GRIA1: variants seen among roughly 807,000 people sequenced by gnomAD.
GRIA1 encodes the protein glutamate receptor 1.
A neutral mutation model predicts 99.2 loss-of-function variants in GRIA1; 31 were observed. That is an observed-to-expected ratio of 0.31 (90% CI 0.23 to 0.42). GRIA1 has a LOEUF of 0.42. Ranked by LOEUF, GRIA1 falls within the 10% of genes least tolerant of loss-of-function variation. GRIA1 has a pLI of 1.00. For missense variants in GRIA1, 782 were observed against 1,157.5 expected (o/e 0.68, Z 4.71); for synonymous variants, 438 against 432.4 (o/e 1.01, Z -0.16).
At chr5:153,506,217 T>G (rs1037419958) in intron 2 of GRIA1, among the ~76,000 whole-genome samples, 5 of 152,076 alleles carry the variant, frequency 3.3e-5, no homozygotes, top group Admixed American at 6.5e-5. Context: ...GGGGGAGGTA[T>G]GCTAGGGCAT....
At chr5:153,494,457 C>T (rs1309203797) in intron 2 of GRIA1, 1 of 165,048 alleles carries the variant, frequency 6.1e-6, no homozygotes, top group Non-Finnish European at 1.3e-5. Flanking sequence ...AAGGCATTTC[C>T]TATCTACATG....
At chr5:153,491,048 C>A (rs991343822) in intron 1 of GRIA1, 78 bp downstream of exon 1, 55 of 1,325,534 alleles carry the variant, frequency 4.1e-5, no homozygotes, top group Non-Finnish European at 5.8e-5. Context: ...TTGTGTACCC[C>A]CTCCCCGGTA....
chr5:153,636,120 A>G (rs1753339418), intron 2 of GRIA1, among the ~76,000 whole-genome samples: 1 of 152,144 alleles, frequency 6.6e-6, no homozygotes, highest in African/African-American at 2.4e-5. Context: ...ACCCAGAGTC[A>G]CCATGAAAGA....
At position 153,677,181 on chromosome 5, in the gene GRIA1, C is replaced by A. The variant is rs764532419; in HGVS notation, c.1029+20C>A. ...CAGCAGGTAAGACCACCAATGTTTGCCCCATCTCATAGGAGCCTACTGGGG... is the reference window on the plus strand; with the variant it reads ...CAGCAGGTAAGACCACCAATGTTTGACCCATCTCATAGGAGCCTACTGGGG... On this transcript the variant is annotated intron_variant, in intron 7 of 15. Coordinates refer to ENST00000285900, the MANE Select transcript of GRIA1 (RefSeq NM_000827.4). 10 of 1,423,788 alleles carry A rather than the reference C, an allele frequency of 7.0e-6. No homozygotes were observed. In the South Asian group the frequency reaches 1.7e-4, roughly 24 times the overall value. The allele number at this position is 1,423,788 out of a possible 1,614,324, so 88.2% of individuals were successfully genotyped here. A position where few individuals can be genotyped will look rare whatever the true frequency, so the allele number is the denominator to read the frequency against.
intron 11 of GRIA1, among the ~76,000 whole-genome samples, chr5:153,709,866 G>A (rs1759185998): frequency 6.6e-6 from 1 of 152,188 alleles, no homozygotes; most frequent in Non-Finnish European, 1.5e-5. Flanking sequence ...AAGAATTTAG[G>A]TTTTCCAACC....
rs565396529 is a variant in GRIA1, at chr5:153,597,997, G to C, written c.221-48931G>C. ...ACTACATTCCAGCCTGGGTGACAAG[G>C]TGAAACTCAGTCTCAAAAAGAAGAA... On this transcript the variant is annotated intron_variant, in intron 2 of 15. Coordinates refer to ENST00000285900, the MANE Select transcript of GRIA1 (RefSeq NM_000827.4). 1.9e-3 allele frequency among the ~76,000 whole-genome samples: 287 copies of C among 152,176 alleles called. 1 individual carries two copies. Among genetic ancestry groups the C allele is most frequent in the Admixed American group, 3.6e-3 (55 of 15,280 alleles).
chr5:153,494,677 A>G (rs1038833803), intron 2 of GRIA1, among the ~76,000 whole-genome samples: 1 of 152,202 alleles, frequency 6.6e-6, no homozygotes, highest in African/African-American at 2.4e-5. Flanking sequence ...GAAGGGATAG[A>G]TAAATCTCTG....
intron 2 of GRIA1, among the ~76,000 whole-genome samples, chr5:153,592,033 C>T (rs892049835): frequency 1.3e-5 from 2 of 151,802 alleles, no homozygotes; most frequent in Admixed American, 6.6e-5. Flanking sequence ...TATTCTTTTG[C>T]CCCACCTTAG....
At chr5:153,667,252 C>A (rs1755812516) in intron 5 of GRIA1, among the ~76,000 whole-genome samples, 1 of 152,154 alleles carries the variant, frequency 6.6e-6, no homozygotes, top group Non-Finnish European at 1.5e-5. Context: ...TTGCCCGTTT[C>A]CTTGAACAAT....
At chr5:153,667,708 A>G (rs1283735669) in intron 5 of GRIA1, among the ~76,000 whole-genome samples, 1 of 152,216 alleles carries the variant, frequency 6.6e-6, no homozygotes, top group African/African-American at 2.4e-5. Context: ...CAGTAGACAC[A>G]TATAATCAGT....
intron 2 of GRIA1, among the ~76,000 whole-genome samples, chr5:153,609,806 C>T (rs1004239387): frequency 2.0e-5 from 3 of 151,942 alleles, no homozygotes; most frequent in East Asian, 1.9e-4. Context: ...TGTGATCTGC[C>T]GGCCTCGGCC....
At chr5:153,807,357 A>T (rs928150544) in intron 15 of GRIA1, among the ~76,000 whole-genome samples, 1 of 152,178 alleles carries the variant, frequency 6.6e-6, no homozygotes, top group Admixed American at 6.5e-5. Context: ...ACATAAGCAA[A>T]CACTTGCATG....
intron 2 of GRIA1, among the ~76,000 whole-genome samples, chr5:153,623,895 A>C (rs1455326879): frequency 6.6e-6 from 1 of 152,198 alleles, no homozygotes; most frequent in Non-Finnish European, 1.5e-5. Context: ...CGTCAGTAAG[A>C]TGGTAGGTGA....
At chr5:153,626,165 AAATGGCAGG>A (rs1767585814) in intron 2 of GRIA1, among the ~76,000 whole-genome samples, 1 of 152,240 alleles carries the variant, frequency 6.6e-6, no homozygotes, top group Non-Finnish European at 1.5e-5. Flanking sequence ...TGATTCAGCA[AAATGGCAGG>A]AATAAGAATA....
chr5:153,493,667 C>A (rs1369403936), intron 1 of GRIA1, among the ~76,000 whole-genome samples: 1 of 152,192 alleles, frequency 6.6e-6, no homozygotes, highest in Admixed American at 6.5e-5. Context: ...TTTTCTCTGA[C>A]TTTAGCTGAG....
intron 2 of GRIA1, among the ~76,000 whole-genome samples, chr5:153,534,534 T>G (rs1353272862): frequency 6.6e-6 from 1 of 152,326 alleles, no homozygotes; most frequent in East Asian, 1.9e-4. Flanking sequence ...ACCCCTCCAG[T>G]CATGGGATGG....
At chr5:153,625,958 G>A (rs142123384) in intron 2 of GRIA1, among the ~76,000 whole-genome samples, 236 of 152,286 alleles carry the variant, frequency 1.5e-3, no homozygotes, top group African/African-American at 5.2e-3. Context: ...AAAGCTTAGC[G>A]ATCTGGTGCC....
At chr5:153,653,053 A>G (rs965006865) in intron 4 of GRIA1, among the ~76,000 whole-genome samples, 1 of 152,080 alleles carries the variant, frequency 6.6e-6, no homozygotes, top group African/African-American at 2.4e-5. Context: ...TCCAGCCCCC[A>G]CCCAACTAAA....
intron 2 of GRIA1, among the ~76,000 whole-genome samples, chr5:153,612,983 G>A (rs1049034257): frequency 6.6e-6 from 1 of 151,944 alleles, no homozygotes; most frequent in Non-Finnish European, 1.5e-5. Context: ...TCTCTGCCTT[G>A]TGTGCTTCTT....
Sources: gnomAD v4.1 joint callset for allele counts (sites outside exome capture counted in the v4.1 genomes callset) on GRCh38, gnomAD v4.1.1 for gene constraint, MANE v1.5 for transcripts, NCBI Gene and HGNC (gene_info 2026-07-23, HGNC 2026-07-21) for gene names.